DNAH8: variants seen among roughly 807,000 people sequenced by gnomAD.
DNAH8 encodes the protein axonemal beta dynein heavy chain 8.
In DNAH8, 382 loss-of-function variants were observed where a neutral mutation model predicts 562.1. The ratio of observed to expected loss-of-function variants is 0.68; its 90% CI spans 0.63 to 0.74. The LOEUF is 0.74. Ranked by LOEUF, DNAH8 falls within the 30% of genes least tolerant of loss-of-function variation. The pLI is 0.00. For synonymous variants in DNAH8, 1,881 were observed against 1,919.4 expected (o/e 0.98, Z 0.52); for missense variants, 5,203 against 5,620.4 (o/e 0.93, Z 2.37).
intron 33 of DNAH8, among the ~76,000 whole-genome samples, chr6:38,840,514 G>A (rs566331580): frequency 2.6e-4 from 40 of 152,172 alleles, no homozygotes; most frequent in African/African-American, 7.7e-4. Context: ...GCATGATAAG[G>A]CCCTTATTTC....
intron 52 of DNAH8, 74 bp downstream of exon 52, chr6:38,873,450 T>C: frequency 7.4e-7 from 1 of 1,355,872 alleles, no homozygotes; most frequent in Non-Finnish European, 1.0e-6. Context: ...TACAGCCATC[T>C]GAAATAGAAA....
intron 4 of DNAH8, among the ~76,000 whole-genome samples, chr6:38,730,737 G>C (rs7750789): frequency 0.16 from 24,661 of 152,164 alleles, 2,233 homozygotes; most frequent in African/African-American, 0.2. Context: ...AAGGCCTGCT[G>C]TCATCTGGAC....
chr6:38,826,266 A>G lies in DNAH8; in HGVS notation c.3958A>G (p.Asn1320Asp), dbSNP rs1011282775. 6.2e-7 allele frequency: 1 copy of G among 1,613,292 alleles called. No individual in the cohort carries two copies. ...KKMSYMIAFI[N>D]EYLKKLSRPI... Reference sequence around the variant, plus strand: ...AATGTCATACATGATAGCATTTATTAATGAATACTTGAAAAAGTTATCTAG... The same window carrying G: ...AATGTCATACATGATAGCATTTATTGATGAATACTTGAAAAAGTTATCTAG... Residue 1320 changes from asparagine to aspartate, a missense_variant, in exon 29 of 93, where the codon AAT (asparagine) becomes GAT (aspartate). Physicochemically the swap from Asn to Asp is conservative, Grantham distance 23. Transcript: ENST00000327475.
chr6:38,735,087 C>G (rs1043085314), intron 5 of DNAH8, among the ~76,000 whole-genome samples: 1 of 152,186 alleles, frequency 6.6e-6, no homozygotes, highest in Non-Finnish European at 1.5e-5. Context: ...ACTGACTAAT[C>G]ACTTAAATGT....
At chr6:38,955,682 A>AC (rs1202548064) in intron 82 of DNAH8, among the ~76,000 whole-genome samples, 1 of 152,134 alleles carries the variant, frequency 6.6e-6, no homozygotes, top group East Asian at 1.9e-4. Flanking sequence ...CACAAGCAAG[A>AC]TGAATTTATA....
chr6:39,009,028 G>A, intron 89 of DNAH8, 58 bp downstream of exon 89: 5 of 1,275,508 alleles, frequency 3.9e-6, no homozygotes, highest in Non-Finnish European at 5.5e-6. Context: ...TAAACAGTAA[G>A]TTTGATTACC....
intron 80 of DNAH8, 113 bp downstream of exon 80, chr6:38,945,701 A>G (rs1761350653): frequency 1.6e-5 from 22 of 1,415,814 alleles, no homozygotes; most frequent in South Asian, 7.5e-5. Context: ...AGTCAACCCA[A>G]TAGTTTGGAT....
At chr6:38,979,988 A>G (rs1763920732) in intron 85 of DNAH8, among the ~76,000 whole-genome samples, 1 of 152,196 alleles carries the variant, frequency 6.6e-6, no homozygotes, top group Admixed American at 6.5e-5. Flanking sequence ...AATTCCAAGA[A>G]CTAAAACGGT....
chr6:38,979,275 T>C (rs534320849), intron 85 of DNAH8, among the ~76,000 whole-genome samples: 3 of 152,380 alleles, frequency 2.0e-5, no homozygotes, highest in African/African-American at 7.2e-5. Context: ...ATTATTCTTT[T>C]TCTTGTCTCC....
At chr6:38,830,087 TC>T (rs2150350622) in intron 30 of DNAH8, among the ~76,000 whole-genome samples, 1 of 152,308 alleles carries the variant, frequency 6.6e-6, no homozygotes, top group East Asian at 1.9e-4. Context: ...GTCAGTCTTT[TC>T]AAATAAAAAA....
chr6:38,728,109 G>T (rs1479525987), intron 3 of DNAH8, among the ~76,000 whole-genome samples: 1 of 152,006 alleles, frequency 6.6e-6, no homozygotes, highest in Non-Finnish European at 1.5e-5. Context: ...GGGACCATTG[G>T]CACATACCTC....
intron 9 of DNAH8, among the ~76,000 whole-genome samples, chr6:38,752,286 C>T (rs554844462): frequency 6.6e-6 from 1 of 152,162 alleles, no homozygotes; most frequent in South Asian, 2.1e-4. Flanking sequence ...GATTCAGCCT[C>T]CTGAGTAGCT....
intron 10 of DNAH8, among the ~76,000 whole-genome samples, chr6:38,760,537 T>A (rs1342444763): frequency 6.6e-6 from 1 of 152,148 alleles, no homozygotes; most frequent in Admixed American, 6.6e-5. Context: ...TCTTTATTCC[T>A]GAGAAACAGT....
chr6:38,922,041 A>G (rs571594524), intron 71 of DNAH8, among the ~76,000 whole-genome samples: 52 of 70,730 alleles, frequency 7.4e-4, no homozygotes, highest in African/African-American at 1.6e-3. Context: ...CAGTTAAGGC[A>G]GGAACAGGCC....
intron 12 of DNAH8, among the ~76,000 whole-genome samples, chr6:38,775,316 A>T (rs1767956076): frequency 6.6e-6 from 1 of 152,148 alleles, no homozygotes; most frequent in South Asian, 2.1e-4. Flanking sequence ...AGCTTCTTGG[A>T]CCAGTCTTTT....
chr6:38,718,487 A>G (rs1028257261), intron 1 of DNAH8, among the ~76,000 whole-genome samples: 44 of 152,230 alleles, frequency 2.9e-4, no homozygotes, highest in African/African-American at 9.9e-4. Flanking sequence ...CTCAAATTAC[A>G]GTATTTCATT....
At chr6:38,848,426 G>A (rs186777057) in intron 36 of DNAH8, among the ~76,000 whole-genome samples, 25 of 152,234 alleles carry the variant, frequency 1.6e-4, no homozygotes, top group Admixed American at 1.3e-3. Context: ...CCTATTCTAT[G>A]ACTGACACAT....
chr6:39,007,236 A>T (rs1765853661), intron 88 of DNAH8, among the ~76,000 whole-genome samples: 1 of 152,212 alleles, frequency 6.6e-6, no homozygotes, highest in African/African-American at 2.4e-5. Flanking sequence ...CTTTTTAAGG[A>T]TTAATTCTTA....
chr6:39,014,389 G>A (rs565618629), intron 91 of DNAH8, among the ~76,000 whole-genome samples: 27 of 152,248 alleles, frequency 1.8e-4, no homozygotes, highest in African/African-American at 6.3e-4. Flanking sequence ...TTCTGGCTGG[G>A]GAGCATGAAG....
Sources: gnomAD v4.1 joint callset for allele counts (sites outside exome capture counted in the v4.1 genomes callset) on GRCh38, gnomAD v4.1.1 for gene constraint, MANE v1.5 for transcripts, NCBI Gene and HGNC (gene_info 2026-07-23, HGNC 2026-07-21) for gene names.